ARHGAP15: variants seen among roughly 807,000 people sequenced by gnomAD.
ARHGAP15 encodes the protein rho GTPase-activating protein 15.
A neutral mutation model predicts 63.7 loss-of-function variants in ARHGAP15; 51 were observed. That is an observed-to-expected ratio of 0.80 (90% CI 0.64 to 1.01). The LOEUF is 1.01. Ranked by LOEUF, ARHGAP15 falls within the 50% of genes least tolerant of loss-of-function variation. The pLI, the probability that ARHGAP15 is intolerant of heterozygous loss-of-function variation, is 0.00. For synonymous variants in ARHGAP15, 191 were observed against 193.8 expected, an observed-to-expected ratio of 0.99 and a Z score of 0.12; for missense variants, 560 against 564.6, an observed-to-expected ratio of 0.99 and a Z score of 0.08.
intron 3 of ARHGAP15, among the ~76,000 whole-genome samples, chr2:143,210,728 A>G (rs938814647): frequency 6.6e-6 from 1 of 152,152 alleles, no homozygotes; most frequent in South Asian, 2.1e-4. Context: ...CTGAAATCAA[A>G]TTTCATGCTG....
chr2:143,383,483 TA>T (rs1394609911), intron 6 of ARHGAP15, among the ~76,000 whole-genome samples: 1 of 152,212 alleles, frequency 6.6e-6, no homozygotes, highest in Non-Finnish European at 1.5e-5. Flanking sequence ...AATGCTGCTA[TA>T]AACCTATGTG....
intron 4 of ARHGAP15, among the ~76,000 whole-genome samples, chr2:143,218,277 C>CTTTTTTTTTTTTTTTTTTTTTTTTTTCTT (rs762494225): frequency 1.1e-5 from 1 of 92,034 alleles, no homozygotes; most frequent in Non-Finnish European, 2.0e-5. Flanking sequence ...TTTAGTTTTC[C>CTTTTTTTTTTTTTTTTTTTTTTTTTTCTT]TTTTTTTTTT....
At chr2:143,349,920 A>G (rs1362802538) in intron 6 of ARHGAP15, among the ~76,000 whole-genome samples, 1 of 152,192 alleles carries the variant, frequency 6.6e-6, no homozygotes, top group Non-Finnish European at 1.5e-5. Context: ...TAAGATCTGT[A>G]GAAGAAGAAT....
intron 12 of ARHGAP15, among the ~76,000 whole-genome samples, chr2:143,629,224 CA>C (rs1698966947): frequency 6.6e-6 from 1 of 151,294 alleles, no homozygotes; most frequent in East Asian, 1.9e-4. Context: ...TAAGACCCTG[CA>C]ATTGCCATAG....
intron 8 of ARHGAP15, among the ~76,000 whole-genome samples, chr2:143,452,221 G>A (rs779822178): frequency 6.6e-6 from 1 of 151,904 alleles, no homozygotes; most frequent in Non-Finnish European, 1.5e-5. Flanking sequence ...GGAGGAATGC[G>A]GAAGAAATAG....
intron 10 of ARHGAP15, chr2:143,522,216 A>C (rs1694087631): frequency 6.6e-6 from 1 of 152,148 alleles, no homozygotes; most frequent in African/African-American, 2.4e-5. Flanking sequence ...TTATTACTCT[A>C]AACTACCAGA....
intron 12 of ARHGAP15, among the ~76,000 whole-genome samples, chr2:143,686,459 C>T (rs897027686): frequency 2.0e-5 from 3 of 149,940 alleles, no homozygotes; most frequent in African/African-American, 4.9e-5. Flanking sequence ...TCACTCCCAA[C>T]CCCTAAGGAA....
intron 9 of ARHGAP15, among the ~76,000 whole-genome samples, chr2:143,506,026 A>G (rs775735019): frequency 3.3e-5 from 5 of 152,228 alleles, no homozygotes; most frequent in Admixed American, 6.5e-5. Context: ...TGAAATCATT[A>G]AGCAGTTTTA....
intron 12 of ARHGAP15, among the ~76,000 whole-genome samples, chr2:143,702,889 A>G (rs1445876877): frequency 6.6e-6 from 1 of 152,094 alleles, no homozygotes; most frequent in East Asian, 1.9e-4. Context: ...CATTGAGATA[A>G]TCCAGAAAAA....
chr2:143,703,056 C>T (rs1684161028), intron 12 of ARHGAP15, among the ~76,000 whole-genome samples: 1 of 152,140 alleles, frequency 6.6e-6, no homozygotes, highest in South Asian at 2.1e-4. Flanking sequence ...TTTAAGAAAA[C>T]CAAATGTTAA....
intron 6 of ARHGAP15, among the ~76,000 whole-genome samples, chr2:143,387,960 A>T (rs1023244104): frequency 3.9e-5 from 6 of 151,978 alleles, no homozygotes; most frequent in African/African-American, 1.4e-4. Context: ...CAAGCAAATG[A>T]TATTTAGAAG....
Position 143,373,031 on chromosome 2 carries a change from A to G in ARHGAP15, c.475-62570A>G, listed in dbSNP as rs189378464. On this transcript the variant is annotated intron_variant, in intron 6 of 13. Coordinates refer to ENST00000295095, the MANE Select transcript of ARHGAP15 (RefSeq NM_018460.4). ...AGTGAGGGAGATACACATTTAAGCA[A>G]TTATATTCAAAAAATAGATGAGACA... 2.5e-3 allele frequency among the ~76,000 whole-genome samples: 368 copies of G among 147,200 alleles called. 1 individual carries two copies. The highest frequency in any genetic ancestry group is 4.3e-3 in the Non-Finnish European group (289 of 67,370).
chr2:143,387,908 TGCAC>T (rs1483720184), intron 6 of ARHGAP15, among the ~76,000 whole-genome samples: 2 of 133,140 alleles, frequency 1.5e-5, no homozygotes, highest in Non-Finnish European at 3.4e-5. Flanking sequence ...CACGCATGCC[TGCAC>T]ACACACACAC....
At chr2:143,631,224 G>C (rs1699058237) in intron 12 of ARHGAP15, among the ~76,000 whole-genome samples, 1 of 152,102 alleles carries the variant, frequency 6.6e-6, no homozygotes, top group East Asian at 1.9e-4. Flanking sequence ...AGTTGTTTAT[G>C]GATATTTGGG....
intron 1 of ARHGAP15, among the ~76,000 whole-genome samples, chr2:143,137,016 G>A (rs1046298896): frequency 1.3e-5 from 2 of 152,034 alleles, no homozygotes; most frequent in Non-Finnish European, 1.5e-5. Context: ...TGTCCAAGGA[G>A]TAGACAGAGT....
chr2:143,360,515 T>C (rs547914093), intron 6 of ARHGAP15, among the ~76,000 whole-genome samples: 1 of 147,836 alleles, frequency 6.8e-6, no homozygotes, highest in African/African-American at 2.5e-5. Flanking sequence ...AAAAAAAAAA[T>C]GATCTTTAAT....
intron 6 of ARHGAP15, among the ~76,000 whole-genome samples, chr2:143,263,051 T>C (rs547691420): frequency 3.3e-5 from 5 of 152,242 alleles, no homozygotes; most frequent in African/African-American, 9.6e-5. Flanking sequence ...TCAGTGAATA[T>C]ACTGCAACTT....
At chr2:143,366,066 AT>A (rs1686279254) in intron 6 of ARHGAP15, among the ~76,000 whole-genome samples, 1 of 152,190 alleles carries the variant, frequency 6.6e-6, no homozygotes, top group Non-Finnish European at 1.5e-5. Context: ...CATTTTCCAA[AT>A]TCCCTAAGCA....
chr2:143,742,024 ACAGTTAT>A (rs1246953947), intron 13 of ARHGAP15, among the ~76,000 whole-genome samples: 1 of 152,182 alleles, frequency 6.6e-6, no homozygotes, highest in East Asian at 1.9e-4. Context: ...CATAGAGGAG[ACAGTTAT>A]CAGTTATCAG....
Sources: allele counts gnomAD v4.1 joint callset (sites outside exome capture counted in the v4.1 genomes callset), GRCh38; gene constraint gnomAD v4.1.1; transcripts MANE v1.5; gene names NCBI Gene and HGNC (gene_info 2026-07-23, HGNC 2026-07-21).